The following SUCLG2 variants were observed in gnomAD, a reference collection of about 807,000 sequenced individuals.
The protein encoded by SUCLG2 is succinate-CoA ligase GDP-forming subunit beta.
SUCLG2 carries 42 observed loss-of-function variants against 47.9 expected under a neutral mutation model. The ratio of observed to expected loss-of-function variants is 0.88; its 90% CI spans 0.69 to 1.14. The LOEUF is 1.14. Ranked by LOEUF, SUCLG2 falls within the 50% of genes most tolerant of loss-of-function variation. The pLI, the probability that SUCLG2 is intolerant of heterozygous loss-of-function variation, is 0.00. For synonymous variants in SUCLG2, 195 were observed against 197.3 expected (o/e 0.99, Z 0.10); for missense variants, 571 against 525.9 (o/e 1.09, Z -0.84).
intron 9 of SUCLG2, among the ~76,000 whole-genome samples, chr3:67,468,294 T>A (rs1459630467): frequency 6.6e-6 from 1 of 152,190 alleles, no homozygotes; most frequent in Non-Finnish European, 1.5e-5. Flanking sequence ...GCAGAAAAAG[T>A]AGGGCAGCTT....
intron 6 of SUCLG2, among the ~76,000 whole-genome samples, chr3:67,515,308 C>A (rs1380994865): frequency 6.6e-6 from 1 of 152,148 alleles, no homozygotes; most frequent in Non-Finnish European, 1.5e-5. Context: ...AAGCTTCAGG[C>A]ATCCACTGGA....
intron 9 of SUCLG2, among the ~76,000 whole-genome samples, chr3:67,455,196 G>A (rs1240007503): frequency 6.6e-6 from 1 of 152,006 alleles, no homozygotes; most frequent in Non-Finnish European, 1.5e-5. Flanking sequence ...TAGTCCATTT[G>A]TCCCTGAATT....
chr3:67,558,580 G>A (rs1707223739), intron 2 of SUCLG2, among the ~76,000 whole-genome samples: 1 of 152,204 alleles, frequency 6.6e-6, no homozygotes, highest in Admixed American at 6.5e-5. Context: ...TTTCACAAGA[G>A]TGAGTTGAGT....
chr3:67,628,741 C>A (rs748992401), intron 1 of SUCLG2, among the ~76,000 whole-genome samples: 2 of 152,166 alleles, frequency 1.3e-5, no homozygotes, highest in Non-Finnish European at 2.9e-5. Context: ...TTCTCCTTTG[C>A]CTTCCACCAT....
At chr3:67,638,321 T>G (rs963724863) in intron 1 of SUCLG2, among the ~76,000 whole-genome samples, 1 of 152,232 alleles carries the variant, frequency 6.6e-6, no homozygotes, top group Non-Finnish European at 1.5e-5. Flanking sequence ...CTCTCTGGAC[T>G]GGTCTCTCCA....
At chr3:67,371,074 G>A (rs1282805007), downstream of SUCLG2, among the ~76,000 whole-genome samples, 1 of 152,130 alleles carries the variant, frequency 6.6e-6, no homozygotes, top group East Asian at 1.9e-4. Context: ...ATTGTCTGAT[G>A]TTTGAAAACA....
chr3:67,522,434 G>T (rs1049230250), intron 4 of SUCLG2, among the ~76,000 whole-genome samples: 1 of 151,848 alleles, frequency 6.6e-6, no homozygotes, highest in Non-Finnish European at 1.5e-5. Context: ...ATTTCTTTTA[G>T]TATCCCTGTA....
chr3:67,518,226 A>G, intron 6 of SUCLG2, 21 bp downstream of exon 6: 1 of 1,586,958 alleles, frequency 6.3e-7, no homozygotes, highest in Non-Finnish European at 8.6e-7. Flanking sequence ...CAGACACACC[A>G]TCCCCCAATG....
intron 1 of SUCLG2, among the ~76,000 whole-genome samples, chr3:67,609,958 T>C (rs1700498848): frequency 6.6e-6 from 1 of 152,204 alleles, no homozygotes; most frequent in Admixed American, 6.5e-5. Flanking sequence ...ATGGGGCTGC[T>C]ATACTATTTT....
chr3:67,406,378 C>T (rs567535696), intron 9 of SUCLG2, among the ~76,000 whole-genome samples: 2 of 152,220 alleles, frequency 1.3e-5, no homozygotes, highest in South Asian at 4.1e-4. Flanking sequence ...TCTAAAACTG[C>T]AAACCACGAT....
At chr3:67,367,168 G>C (rs1226633779) in intron 10 of SUCLG2, among the ~76,000 whole-genome samples, 2 of 152,104 alleles carry the variant, frequency 1.3e-5, no homozygotes, top group Non-Finnish European at 2.9e-5. Flanking sequence ...ACTAAGATGA[G>C]TTTTCATTCT....
At chr3:67,458,398 T>C (rs1249453314) in intron 9 of SUCLG2, among the ~76,000 whole-genome samples, 1 of 152,152 alleles carries the variant, frequency 6.6e-6, no homozygotes, top group African/African-American at 2.4e-5. Context: ...ACGCCTCCTA[T>C]AATAAGTCGA....
chr3:67,460,030 T>C (rs1206580294), intron 9 of SUCLG2, among the ~76,000 whole-genome samples: 1 of 152,124 alleles, frequency 6.6e-6, no homozygotes, highest in East Asian at 1.9e-4. Flanking sequence ...CAGAAAGCAG[T>C]GACGTGATTC....
At chr3:67,643,247 C>G (rs1405524066) in intron 1 of SUCLG2, among the ~76,000 whole-genome samples, 1 of 152,206 alleles carries the variant, frequency 6.6e-6, no homozygotes, top group Non-Finnish European at 1.5e-5. Context: ...GTGACTTAAA[C>G]TACAACGACT....
chr3:67,560,464 G>C (rs1403119318), intron 2 of SUCLG2, among the ~76,000 whole-genome samples: 1 of 152,176 alleles, frequency 6.6e-6, no homozygotes, highest in South Asian at 2.1e-4. Context: ...GTGAGATCTG[G>C]GTTCAAGCCC....
intron 2 of SUCLG2, among the ~76,000 whole-genome samples, chr3:67,574,771 C>A (rs1193981196): frequency 1.3e-5 from 2 of 152,114 alleles, no homozygotes; most frequent in Non-Finnish European, 2.9e-5. Flanking sequence ...CATGAAATGA[C>A]AAGCAACACA....
At chr3:67,538,002 T>C (rs1285356037) in intron 2 of SUCLG2, among the ~76,000 whole-genome samples, 3 of 152,226 alleles carry the variant, frequency 2.0e-5, no homozygotes, top group Non-Finnish European at 4.4e-5. Flanking sequence ...GCAAAAAATG[T>C]TCTCCCACTC....
chr3:67,623,451 A>G (rs1367549761), intron 1 of SUCLG2, among the ~76,000 whole-genome samples: 1 of 152,158 alleles, frequency 6.6e-6, no homozygotes, highest in Non-Finnish European at 1.5e-5. Flanking sequence ...CAGTGAGTGG[A>G]GATCGAGCCA....
intron 1 of SUCLG2, among the ~76,000 whole-genome samples, chr3:67,612,148 C>G (rs115525264): frequency 0.012 from 1,865 of 152,182 alleles, 50 homozygotes; most frequent in African/African-American, 0.042. Context: ...TGCTTGAGCC[C>G]AGTAGTTCAA....
Sources: gnomAD v4.1 joint callset for allele counts (sites outside exome capture counted in the v4.1 genomes callset) on GRCh38, gnomAD v4.1.1 for gene constraint, MANE v1.5 for transcripts, NCBI Gene and HGNC (gene_info 2026-07-23, HGNC 2026-07-21) for gene names.